INPP5B: variants seen among roughly 807,000 people sequenced by gnomAD.
INPP5B encodes inositol polyphosphate-5-phosphatase B, also known as type II inositol 1,4,5-trisphosphate 5-phosphatase.
INPP5B carries 90 observed loss-of-function variants against 118.5 expected under a neutral mutation model. That is an observed-to-expected ratio of 0.76 (90% CI 0.64 to 0.90). The LOEUF is 0.90. Among genes scored for constraint, INPP5B ranks in the 40% least tolerant of loss-of-function variants. The pLI is 0.00. For missense variants in INPP5B, 984 were observed against 1,125.6 expected, an observed-to-expected ratio of 0.87 and a Z score of 1.80; for synonymous variants, 385 against 418.9, an observed-to-expected ratio of 0.92 and a Z score of 0.99.
At chr1:37,865,943 G>A (rs1642002479) in intron 21 of INPP5B, 55 bp from the exon 22 acceptor site, 12 of 1,599,838 alleles carry the variant, frequency 7.5e-6, no homozygotes, top group Non-Finnish European at 1.0e-5. Context: ...GTTAGGAAAA[G>A]GCCCAGGAGC....
chr1:37,866,400 TCTCTCTCACACACACA>T, intron 21 of INPP5B, 43 bp downstream of exon 21: 1 of 686,194 alleles, frequency 1.5e-6, no homozygotes, highest in Non-Finnish European at 2.5e-6. Flanking sequence ...TCTCTCTCTC[TCTCTCTCACACACACA>T]CACACACACA....
At chr1:37,868,037 C>A (rs149587853) in intron 20 of INPP5B, among the ~76,000 whole-genome samples, 1 of 152,092 alleles carries the variant, frequency 6.6e-6, no homozygotes, top group African/African-American at 2.4e-5. Flanking sequence ...AGGTACTACA[C>A]GTAATAGCAG....
chr1:37,886,771 T>C (rs1643563767), intron 12 of INPP5B, 117 bp downstream of exon 12: 1 of 746,676 alleles, frequency 1.3e-6, no homozygotes. Flanking sequence ...GTATGATTCA[T>C]CTTGGAATAT....
At chr1:37,911,645 G>C (rs994426312) in intron 7 of INPP5B, among the ~76,000 whole-genome samples, 2 of 152,082 alleles carry the variant, frequency 1.3e-5, no homozygotes, top group Non-Finnish European at 2.9e-5. Context: ...AAAGGACTAC[G>C]AGTCAATATT....
At chr1:37,943,466 AAGG>A (rs1174725962) in intron 5 of INPP5B, among the ~76,000 whole-genome samples, 171 bp downstream of exon 5, 1 of 152,078 alleles carries the variant, frequency 6.6e-6, no homozygotes, top group East Asian at 1.9e-4. Context: ...AAACAGCAGC[AAGG>A]AGGAGAGTGA....
chr1:37,913,344 C>T (rs1038644093), intron 7 of INPP5B, among the ~76,000 whole-genome samples: 5 of 141,060 alleles, frequency 3.5e-5, no homozygotes, highest in Non-Finnish European at 6.4e-5. Context: ...TATATGACAA[C>T]ATAAAAAAAC....
intron 7 of INPP5B, chr1:37,931,490 C>A: frequency 6.5e-7 from 1 of 1,534,042 alleles, no homozygotes; most frequent in Non-Finnish European, 8.7e-7. Flanking sequence ...CCTCGTCACG[C>A]ACGCCTAAGA....
Position 37,932,052 on chromosome 1 carries a change from G to A in INPP5B, c.393C>T (p.Gly131=), listed in dbSNP as rs1181152228. 1.3e-6 allele frequency: 2 copies of A among 1,590,226 alleles called. No homozygotes were observed. The highest frequency in any genetic ancestry group is 1.7e-5 in the Admixed American group (1 of 57,910). ...CAGGATCCCGGGTCGCAGAATCGAA[G>A]CCTGTGCAGGAACAAATGGGGGCAG... ...FLHEVARACP[G]FDSATRDPEF... The change falls in exon 7 of 24, where the codon GGC becomes GGT. Residue 131 remains glycine, a splice_region_variant and synonymous_variant. Coordinates refer to ENST00000373024, the MANE Select transcript of INPP5B (RefSeq NM_005540.3).
At chr1:37,914,098 G>A (rs4653337) in intron 7 of INPP5B, among the ~76,000 whole-genome samples, 42,706 of 151,886 alleles carry the variant, frequency 0.28, 5,966 homozygotes, top group Middle Eastern at 0.37. Context: ...CAGCCCACCT[G>A]CACCCAGGTG....
rs1643109018 is a variant in INPP5B, at chr1:37,880,197, A to G, written c.1432-3T>C. The G allele has an allele frequency of 6.3e-7, 1 of 1,598,532 alleles. No individual in the cohort carries two copies. The highest frequency in any genetic ancestry group is 2.2e-5 in the East Asian group (1 of 44,722). ...TTTGCGGCCACCTGAATTTTCAGCTATACAAAAGGATGGGAGAAAAAAAAA... is the reference window on the plus strand; with the variant it reads ...TTTGCGGCCACCTGAATTTTCAGCTGTACAAAAGGATGGGAGAAAAAAAAA... On this transcript the variant is annotated splice_polypyrimidine_tract_variant and splice_region_variant and intron_variant, in intron 14 of 23. Coordinates refer to ENST00000373024, the MANE Select transcript of INPP5B (RefSeq NM_005540.3).
chr1:37,896,508 C>A (rs1206730524), intron 7 of INPP5B, among the ~76,000 whole-genome samples: 1 of 136,656 alleles, frequency 7.3e-6, no homozygotes, highest in African/African-American at 2.7e-5. Context: ...CCGCCCCGTC[C>A]GGCAGGTGAG....
In INPP5B at chr1:37,880,158, CT is replaced by C. The variant is rs752183819; in HGVS notation, c.1467del (p.Gly490AlafsTer47). The C allele has an allele frequency of 1.2e-6, 2 of 1,610,208 alleles. No homozygotes were observed. The highest frequency in any genetic ancestry group is 1.7e-6 in the Non-Finnish European group (2 of 1,177,228). On this transcript the variant is annotated frameshift_variant, in exon 15 of 24. Coordinates refer to ENST00000373024, the MANE Select transcript of INPP5B (RefSeq NM_005540.3). LOFTEE classifies it high-confidence loss of function. ...KIQVAAKTVF[E>X]GFTEGELTFQ... Reference sequence around the variant, plus strand: ...AATGTGAGCTCACCCTCTGTGAAGCCTTCAAAGACAGTCTTTGCGGCCACCT... The same window carrying C: ...AATGTGAGCTCACCCTCTGTGAAGCCTCAAAGACAGTCTTTGCGGCCACCT...
At chr1:37,940,375 G>A (rs766774165) in intron 6 of INPP5B, among the ~76,000 whole-genome samples, 4 of 152,148 alleles carry the variant, frequency 2.6e-5, no homozygotes, top group Non-Finnish European at 5.9e-5. Flanking sequence ...AAGTTGGGCC[G>A]CTTGAAGCTG....
At chr1:37,936,742 A>G (rs1645709371) in intron 6 of INPP5B, among the ~76,000 whole-genome samples, 1 of 146,476 alleles carries the variant, frequency 6.8e-6, no homozygotes, top group Admixed American at 6.9e-5. Flanking sequence ...TTTTTTTGAG[A>G]GACAGAGTCT....
intron 22 of INPP5B, 44 bp from the exon 23 acceptor site, chr1:37,864,467 A>C (rs1414361960): frequency 2.6e-6 from 3 of 1,159,028 alleles, no homozygotes; most frequent in South Asian, 2.5e-5. Flanking sequence ...TCACTGAATC[A>C]TTTCTCAAGT....
chr1:37,934,535 G>A (rs1279511171), intron 6 of INPP5B, among the ~76,000 whole-genome samples: 1 of 152,146 alleles, frequency 6.6e-6, no homozygotes, highest in African/African-American at 2.4e-5. Flanking sequence ...AGGACTGGGT[G>A]GAAAAAACCT....
intron 6 of INPP5B, among the ~76,000 whole-genome samples, chr1:37,936,106 A>G (rs1256016264): frequency 1.1e-4 from 16 of 152,080 alleles, no homozygotes; most frequent in Non-Finnish European, 5.9e-5. Flanking sequence ...ATGGTTCCCC[A>G]TAAGCTATAG....
chr1:37,891,429 T>A lies in INPP5B; in HGVS notation c.558A>T (p.Arg186Ser), dbSNP rs765179762. Residue 186 changes from arginine (R) to serine (S), a missense_variant, in exon 8 of 24, where the codon AGA becomes AGT. Arg to Ser is a moderately radical substitution (Grantham distance 110). This residue lies in a region of INPP5B where 350 missense variants were observed against 334.6 expected (regional missense o/e 1.05). Coordinates refer to ENST00000373024, the MANE Select transcript of INPP5B (RefSeq NM_005540.3). ...CCATAGGCACTCCCTTCCCATTTGG[T>A]CTCAAACCATCAAAGTTAGAACCAC... ...GGGGSNFDGL[R>S]PNGKGVPMDQ... The A allele has an allele frequency of 1.2e-6, 2 of 1,613,678 alleles. No homozygotes were observed. Among genetic ancestry groups the A allele is most frequent in the East Asian group, 2.2e-5 (1 of 44,862 alleles).
chr1:37,903,742 T>C (rs1438149460), intron 7 of INPP5B, among the ~76,000 whole-genome samples: 1 of 144,128 alleles, frequency 6.9e-6, no homozygotes, highest in Non-Finnish European at 1.5e-5. Context: ...AAAAAAAAAT[T>C]AGCTGGGCAT....
Sources: allele counts gnomAD v4.1 joint callset (sites outside exome capture counted in the v4.1 genomes callset), GRCh38; gene constraint gnomAD v4.1.1; regional missense constraint gnomAD v4.1.1; transcripts MANE v1.5; gene names NCBI Gene and HGNC (gene_info 2026-07-23, HGNC 2026-07-21).